The following AEN variants were observed in gnomAD, a reference collection of about 807,000 sequenced individuals.
The protein encoded by AEN is apoptosis enhancing nuclease.
AEN carries 21 observed loss-of-function variants against 17.7 expected under a neutral mutation model. The ratio of observed to expected loss-of-function variants is 1.19; its 90% CI spans 0.84 to 1.71. The LOEUF is 1.71. Ranked by LOEUF, AEN falls within the 40% of genes most tolerant of loss-of-function variation. AEN has a pLI of 0.00. For synonymous variants in AEN, 190 were observed against 173.0 expected (o/e 1.10, Z -0.77); for missense variants, 462 against 435.9 (o/e 1.06, Z -0.53).
chr15:88,608,726 G>T, the AEN span, among the ~76,000 whole-genome samples: 5 of 152,210 alleles, frequency 3.3e-5, no homozygotes, highest in Admixed American at 3.3e-4. Flanking sequence ...ATTCTTCAGA[G>T]CTGCGCTTTT....
rs2057931121 is a variant in AEN, at chr15:88,631,755, C to G, written c.*1461C>G. ...ACAGGCTGAGCAGCTGTGGCCCAGA[C>G]AGAACTGCTCCGGCTTGGCTGTTCC... On this transcript the variant is annotated 3_prime_UTR_variant, in exon 4 of 4. Transcript: ENST00000332810. 6.6e-6 allele frequency: 1 copy of G among 152,390 alleles called. No homozygotes were observed. The highest frequency in any genetic ancestry group is 2.4e-5 in the African/African-American group (1 of 41,408). The allele number at this position is 152,390 out of a possible 1,614,324, so 9.4% of individuals were successfully genotyped here. A position where few individuals can be genotyped will look rare whatever the true frequency, so the allele number is the denominator to read the frequency against.
At chr15:88,606,751 G>C in the AEN span, among the ~76,000 whole-genome samples, 1 of 152,236 alleles carries the variant, frequency 6.6e-6, no homozygotes, top group South Asian at 2.1e-4. Flanking sequence ...AATCCTGGAA[G>C]ATGTTTGTTT....
intron 1 of AEN, among the ~76,000 whole-genome samples, chr15:88,623,150 G>A (rs2057809209): frequency 6.6e-6 from 1 of 152,180 alleles, no homozygotes; most frequent in African/African-American, 2.4e-5. Context: ...TTGCTGGGCT[G>A]AGGCAGATTA....
Position 88,630,072 on chromosome 15 carries a change from G to A in AEN, c.756G>A (p.Gly252=), listed in dbSNP as rs1301476261. The A allele has an allele frequency of 3.1e-6, 5 of 1,613,938 alleles. No homozygotes were observed. Among genetic ancestry groups the A allele is most frequent in the African/African-American group, 1.3e-5 (1 of 74,898 alleles). ...CTCGTCAGTAGGTGGGCCAGCACGG[G>A]CACTCATCAGTAGAAGATGCCACGA... ...LHKKIQVGQH[G]HSSVEDATTA... The change falls in exon 4 of 4, where the codon GGG becomes GGA. Residue 252 remains glycine, a synonymous_variant. Transcript: ENST00000332810. This position sits in a 1 kb window ranked among gnomAD's most constrained non-coding sequence, Gnocchi z 5.1.
intron 1 of AEN, among the ~76,000 whole-genome samples, chr15:88,622,279 G>A (rs1006675524): frequency 3.3e-5 from 5 of 152,208 alleles, no homozygotes; most frequent in Admixed American, 3.3e-4. Flanking sequence ...GTTTGTCCTT[G>A]TTGAAAGGGT....
At chr15:88,629,567 A>C (rs2057901276) in intron 3 of AEN, 141 bp downstream of exon 3, 1 of 977,004 alleles carries the variant, frequency 1.0e-6, no homozygotes, top group Admixed American at 2.8e-5. Flanking sequence ...CCTTGCTTAA[A>C]TGGGTCTCCC....
In AEN at chr15:88,630,098, CAGCCATGG is replaced by C; in HGVS notation, c.786_793del (p.Met263LeufsTer26). The C allele has an allele frequency of 6.2e-7, 1 of 1,614,104 alleles. No homozygotes were observed. The highest frequency in any genetic ancestry group is 1.7e-5 in the Admixed American group (1 of 60,032). On this transcript the variant is annotated frameshift_variant, in exon 4 of 4. Coordinates refer to ENST00000332810, the MANE Select transcript of AEN (RefSeq NM_022767.4). LOFTEE classifies it low-confidence loss of function (END_TRUNC). The surrounding 1 kb of genome is among the most constrained non-coding windows in gnomAD (Gnocchi z 5.1). ...CACTCATCAGTAGAAGATGCCACGA[CAGCCATGG>C]AGCTCTACCGGCTGGTGGAGGTGCA...
rs1456049245 is a variant in AEN, at chr15:88,629,554, G to GTCCTAGTCCAGGTCCAA, written c.741+128_741+129insTCCTAGTCCAGGTCCAA. 1.5e-5 allele frequency: 18 copies of GTCCTAGTCCAGGTCCAA among 1,171,362 alleles called. No individual in the cohort carries two copies. In the East Asian group the frequency reaches 4.5e-4, roughly 29 times the overall value. 72.6% of individuals were successfully genotyped at this position (1,171,362 alleles called of 1,614,324 possible). ...ATTCTCTTCCCTAGTCCAGGTCCAGGGACCTTGCTTAAATGGGTCTCCCTC... is the reference window on the plus strand; with the variant it reads ...ATTCTCTTCCCTAGTCCAGGTCCAGGTCCTAGTCCAGGTCCAAGACCTTGCTTAAATGGGTCTCCCTC... On this transcript the variant is annotated intron_variant, in intron 3 of 3. Coordinates refer to ENST00000332810, the MANE Select transcript of AEN (RefSeq NM_022767.4).
At chr15:88,625,767 A>G (rs868422266) in intron 1 of AEN, among the ~76,000 whole-genome samples, 4 of 152,212 alleles carry the variant, frequency 2.6e-5, no homozygotes, top group African/African-American at 7.2e-5. Flanking sequence ...ACTGCTAACA[A>G]TATTGGACTC....
At chr15:88,621,428 G>C (rs1437784969) in intron 1 of AEN, 46 bp downstream of exon 1, 1 of 152,580 alleles carries the variant, frequency 6.6e-6, no homozygotes, top group Non-Finnish European at 1.5e-5. Context: ...CGGGCGGGCT[G>C]AGGCCGCGTG....
the AEN span, among the ~76,000 whole-genome samples, chr15:88,615,753 A>G: frequency 6.6e-6 from 1 of 152,198 alleles, no homozygotes; most frequent in Non-Finnish European, 1.5e-5. Context: ...CTGCTGGGCT[A>G]GGACGACACG....
At position 88,626,409 on chromosome 15, in the gene AEN, C is replaced by G. The variant is rs1447221492; in HGVS notation, c.200C>G (p.Pro67Arg). 1 of 1,612,754 alleles carries G rather than the reference C, an allele frequency of 6.2e-7. No individual in the cohort carries two copies. Among genetic ancestry groups the G allele is most frequent in the Non-Finnish European group, 8.5e-7 (1 of 1,179,592 alleles). Residue 67 changes from proline to arginine, a missense_variant, in exon 2 of 4, where the codon CCT becomes CGT. Coordinates refer to ENST00000332810, the MANE Select transcript of AEN (RefSeq NM_022767.4). Reference protein sequence around the residue: ...PEPGSSPLPTPFGAATATEAA... With the variant: ...PEPGSSPLPTRFGAATATEAA... Reference sequence around the variant, plus strand: ...CCAGGGTCCTCCCCACTGCCCACCCCTTTCGGGGCAGCGACAGCAACTGAA... The same window carrying G: ...CCAGGGTCCTCCCCACTGCCCACCCGTTTCGGGGCAGCGACAGCAACTGAA...
chr15:88,631,160 C>T lies in AEN; in HGVS notation c.*866C>T, dbSNP rs1255877478. 6.6e-6 allele frequency: 3 copies of T among 456,734 alleles called. No homozygotes were observed. Among genetic ancestry groups the T allele is most frequent in the South Asian group, 4.6e-5 (3 of 64,574 alleles). The allele number at this position is 456,734 out of a possible 1,614,324, so 28.3% of individuals were successfully genotyped here. ...GAGAAACAAGACAGTGGTTTGAATT[C>T]TGGGGCCTTTGTGTAGGATTGTGCC... On this transcript the variant is annotated 3_prime_UTR_variant, in exon 4 of 4. Coordinates refer to ENST00000332810, the MANE Select transcript of AEN (RefSeq NM_022767.4).
chr15:88,630,379 G>T lies in AEN; in HGVS notation c.*85G>T. On this transcript the variant is annotated 3_prime_UTR_variant, in exon 4 of 4. Coordinates refer to ENST00000332810, the MANE Select transcript of AEN (RefSeq NM_022767.4). The surrounding 1 kb of genome is among the most constrained non-coding windows in gnomAD (Gnocchi z 5.1). ...GAGAGCAGCGGGCACTCCTTCCTGG[G>T]CAGGGTGGGGCAGGATGCAGTGAGC... 7.7e-7 allele frequency: 1 copy of T among 1,303,708 alleles called. No individual in the cohort carries two copies. Among genetic ancestry groups the T allele is most frequent in the Non-Finnish European group, 1.1e-6 (1 of 937,322 alleles). The allele number at this position is 1,303,708 out of a possible 1,614,324, so 80.8% of individuals were successfully genotyped here.
chr15:88,620,981 A>G (rs560026358), upstream of AEN, among the ~76,000 whole-genome samples: 13 of 121,544 alleles, frequency 1.1e-4, no homozygotes, highest in East Asian at 3.0e-3. Flanking sequence ...CCCAATCTGC[A>G]GATGTGGGTG....
chr15:88,618,299 T>C (rs117234445), upstream of AEN, among the ~76,000 whole-genome samples: 3,006 of 152,346 alleles, frequency 0.02, 61 homozygotes, highest in Non-Finnish European at 0.027. Flanking sequence ...TAATATATTT[T>C]CATGCTTGGT....
At chr15:88,628,934 T>C (rs1441975026) in intron 2 of AEN, 5 of 348,374 alleles carry the variant, frequency 1.4e-5, no homozygotes, top group Non-Finnish European at 2.7e-5. Flanking sequence ...ACAGGAAGAC[T>C]TCCATCCATG....
chr15:88,618,163 C>T (rs572099297), upstream of AEN, among the ~76,000 whole-genome samples: 1 of 152,328 alleles, frequency 6.6e-6, no homozygotes, highest in East Asian at 1.9e-4. Flanking sequence ...ACCCTCACCC[C>T]ACCCCAAAAT....
At chr15:88,623,437 C>T (rs566751470) in intron 1 of AEN, among the ~76,000 whole-genome samples, 1 of 152,290 alleles carries the variant, frequency 6.6e-6, no homozygotes, top group Non-Finnish European at 1.5e-5. Flanking sequence ...TCTGCTGCTA[C>T]TGCTCAGGTT....
Sources: gnomAD v4.1 joint callset for allele counts (sites outside exome capture counted in the v4.1 genomes callset) on GRCh38, gnomAD v4.1.1 for gene constraint, Gnocchi (gnomAD v3.1) non-coding constraint, MANE v1.5 for transcripts, NCBI Gene and HGNC (gene_info 2026-07-23, HGNC 2026-07-21) for gene names.